Variants in B4GALNT2 observed in about 807,000 individuals in gnomAD.
B4GALNT2 encodes the protein beta-1,4-N-acetyl-galactosaminyltransferase 2 (SID blood group).
Under a neutral mutation model 51.1 loss-of-function variants are expected in B4GALNT2, and 42 were observed. The observed-to-expected ratio is 0.82, with a 90% CI of 0.64 to 1.06. B4GALNT2 has a LOEUF of 1.06. B4GALNT2 is among the 50% of genes least tolerant of loss of function. B4GALNT2 has a pLI of 0.00. For missense variants in B4GALNT2, 602 were observed against 633.6 expected (o/e 0.95, Z 0.54); for synonymous variants, 253 against 251.7 (o/e 1.01, Z -0.05).
upstream of B4GALNT2, among the ~76,000 whole-genome samples, chr17:49,127,829 A>C (rs193287037): frequency 7.2e-5 from 11 of 152,326 alleles, no homozygotes; most frequent in African/African-American, 2.6e-4. Flanking sequence ...AACGGGATTC[A>C]TGGTGCCTTT....
chr17:49,154,534 G>T (rs2042789706), intron 4 of B4GALNT2, among the ~76,000 whole-genome samples: 1 of 151,266 alleles, frequency 6.6e-6, no homozygotes, highest in African/African-American at 2.4e-5. Flanking sequence ...ATGGCTTCTG[G>T]AGGCAAACAG....
rs193126427 is a variant in B4GALNT2, at chr17:49,144,069, A to C, written c.353+1897A>C. Among the ~76,000 whole-genome samples the C allele has an allele frequency of 1.2e-3, 176 of 152,254 alleles. 1 individual carries two copies. Among genetic ancestry groups the C allele is most frequent in the African/African-American group, 4.1e-3 (171 of 41,556 alleles). ...GAGGCTGAGGCAGGAGACTCACTTG[A>C]ACCTGGGAGGTGGAGGTTGCAGTGA... is the stretch of plus-strand genomic sequence containing the variant. On this transcript the variant is annotated intron_variant, in intron 3 of 10. Transcript: ENST00000393354.
At chr17:49,121,488 G>C in the B4GALNT2 span, among the ~76,000 whole-genome samples, 1 of 152,290 alleles carries the variant, frequency 6.6e-6, no homozygotes, top group East Asian at 1.9e-4. Flanking sequence ...TCTCCCATAA[G>C]GGACGAGTAG....
At chr17:49,156,693 G>A in intron 5 of B4GALNT2, 90 bp downstream of exon 5, 3 of 1,442,310 alleles carry the variant, frequency 2.1e-6, no homozygotes, top group Non-Finnish European at 2.9e-6. Flanking sequence ...CGGAGCCCCT[G>A]TCCAGATTCA....
chr17:49,161,734 G>A (rs1259862094), intron 7 of B4GALNT2, among the ~76,000 whole-genome samples: 2 of 151,462 alleles, frequency 1.3e-5, no homozygotes, highest in African/African-American at 4.8e-5. Context: ...GCATGCACCT[G>A]TAATCCCAGC....
At position 49,171,744 on chromosome 17, in the gene B4GALNT2, A is replaced by T; in HGVS notation, c.*2016A>T. ...AAACATCCCCTTAGGGGACCAATCA[A>T]TAATGATTCCATAGGAATCGTTGTG... is the stretch of plus-strand genomic sequence containing the variant. On this transcript the variant is annotated 3_prime_UTR_variant, in exon 11 of 11. Transcript: ENST00000393354. 2.4e-6 allele frequency: 1 copy of T among 416,212 alleles called. No individual in the cohort carries two copies. The highest frequency in any genetic ancestry group is 4.7e-6 in the Non-Finnish European group (1 of 214,646). The allele number at this position is 416,212 out of a possible 1,614,324, so 25.8% of individuals were successfully genotyped here.
chr17:49,150,720 G>C (rs1002991202), intron 3 of B4GALNT2, among the ~76,000 whole-genome samples: 4 of 150,776 alleles, frequency 2.7e-5, no homozygotes, highest in East Asian at 2.0e-4. Context: ...GATGCTTGAC[G>C]GCAGCATGCT....
At chr17:49,134,276 C>T (rs2144265787) in intron 1 of B4GALNT2, among the ~76,000 whole-genome samples, 1 of 152,322 alleles carries the variant, frequency 6.6e-6, no homozygotes, top group Non-Finnish European at 1.5e-5. Flanking sequence ...TATTTTGATA[C>T]ATGTAGTGAT....
At chr17:49,121,696 G>A in the B4GALNT2 span, among the ~76,000 whole-genome samples, 1 of 152,170 alleles carries the variant, frequency 6.6e-6, no homozygotes, top group African/African-American at 2.4e-5. Flanking sequence ...AGGAAGTCCT[G>A]TAACAGTAGT....
At chr17:49,166,047 A>T in intron 8 of B4GALNT2, 67 bp from the exon 9 acceptor site, 1 of 1,530,278 alleles carries the variant, frequency 6.5e-7, no homozygotes, top group African/African-American at 1.4e-5. Context: ...GGGAATTTAG[A>T]AAGCTCCCCA....
intron 3 of B4GALNT2, chr17:49,149,220 A>G (rs1193385191): frequency 6.6e-6 from 1 of 152,166 alleles, no homozygotes; most frequent in Non-Finnish European, 1.5e-5. Context: ...AGCTATGAAT[A>G]TGAATATGCT....
the B4GALNT2 span, among the ~76,000 whole-genome samples, chr17:49,126,215 C>T: frequency 1.2e-4 from 19 of 152,288 alleles, no homozygotes; most frequent in East Asian, 3.7e-3. Flanking sequence ...ACCCTGTGCT[C>T]TCTGAAACAT....
At chr17:49,139,505 C>T (rs964467085) in intron 1 of B4GALNT2, among the ~76,000 whole-genome samples, 2 of 152,132 alleles carry the variant, frequency 1.3e-5, no homozygotes, top group Admixed American at 6.6e-5. Context: ...GGATTACAGG[C>T]GTGAGACACC....
intron 3 of B4GALNT2, among the ~76,000 whole-genome samples, chr17:49,147,266 C>T (rs957694697): frequency 6.6e-6 from 1 of 152,188 alleles, no homozygotes; most frequent in African/African-American, 2.4e-5. Context: ...GTTAGTGCTA[C>T]ATTATACTTC....
Position 49,174,484 on chromosome 17 carries a change from C to T in B4GALNT2, c.*4756C>T, listed in dbSNP as rs555288306. 4.6e-5 allele frequency: 7 copies of T among 152,258 alleles called. No homozygotes were observed. Among genetic ancestry groups the T allele is most frequent in the African/African-American group, 1.7e-4 (7 of 41,550 alleles). The allele number at this position is 152,258 out of a possible 1,614,324, so 9.4% of individuals were successfully genotyped here. A position where few individuals can be genotyped will look rare whatever the true frequency, so the allele number is the denominator to read the frequency against. ...CTTTTAAATCTATGACTATTAAAGGCCAATTCTTTGGAATCATAGCAGGAG... is the reference window on the plus strand; with the variant it reads ...CTTTTAAATCTATGACTATTAAAGGTCAATTCTTTGGAATCATAGCAGGAG... On this transcript the variant is annotated 3_prime_UTR_variant, in exon 11 of 11. Coordinates refer to ENST00000393354, the MANE Select transcript of B4GALNT2 (RefSeq NM_001159387.2).
chr17:49,152,537 G>A (rs529273492), intron 3 of B4GALNT2, among the ~76,000 whole-genome samples: 4 of 152,118 alleles, frequency 2.6e-5, no homozygotes, highest in African/African-American at 7.2e-5. Context: ...TTAGCCGGGC[G>A]TGGAGGCGCA....
At chr17:49,133,169 T>C in intron 1 of B4GALNT2, 1 of 1,518,382 alleles carries the variant, frequency 6.6e-7, no homozygotes, top group Non-Finnish European at 8.8e-7. Context: ...TCAGAGGCGC[T>C]GACCCAGCCT....
Position 49,152,809 on chromosome 17 carries a change from GC to G in B4GALNT2, c.367del (p.Arg123AlafsTer22). 1.2e-6 allele frequency: 2 copies of G among 1,600,876 alleles called. No individual in the cohort carries two copies. Among genetic ancestry groups the G allele is most frequent in the South Asian group, 1.1e-5 (1 of 88,990 alleles). On this transcript the variant is annotated frameshift_variant, in exon 4 of 11. Coordinates refer to ENST00000393354, the MANE Select transcript of B4GALNT2 (RefSeq NM_001159387.2). LOFTEE classifies it high-confidence loss of function. ...GTTCTCCTTCCTGCAGAGAAGGGCT[GC>G]CCCGCCCACTGCCCCTGCTGGTCCA... Reference protein sequence around the residue: ...FEHFQRREGLPRPLPLLVQPN... With the variant: ...FEHFQRREGLXRPLPLLVQPN...
Position 49,141,458 on chromosome 17 carries a change from G to A in B4GALNT2, c.215+11G>A. 6.2e-7 allele frequency: 1 copy of A among 1,612,736 alleles called. No homozygotes were observed. Among genetic ancestry groups the A allele is most frequent in the Non-Finnish European group, 8.5e-7 (1 of 1,179,182 alleles). On this transcript the variant is annotated intron_variant, in intron 2 of 10. Transcript: ENST00000393354. ...CTACGATGGAATCTGGTGAGAGACTGCGTGTTCTTTCTTTCACCTTAATGC... is the reference window on the plus strand; with the variant it reads ...CTACGATGGAATCTGGTGAGAGACTACGTGTTCTTTCTTTCACCTTAATGC...
Sources: allele counts gnomAD v4.1 joint callset (sites outside exome capture counted in the v4.1 genomes callset), GRCh38; gene constraint gnomAD v4.1.1; transcripts MANE v1.5; gene names NCBI Gene and HGNC (gene_info 2026-07-23, HGNC 2026-07-21).